Variants in HEPH observed in about 807,000 individuals in gnomAD.
The protein encoded by HEPH is hephaestin.
In HEPH, 69 loss-of-function variants were observed where a neutral mutation model predicts 80.8. The ratio of observed to expected loss-of-function variants is 0.85; its 90% CI spans 0.70 to 1.04. HEPH has a LOEUF of 1.04. Among genes scored for constraint, HEPH ranks in the 50% least tolerant of loss-of-function variants. The pLI, the probability that HEPH is intolerant of heterozygous loss-of-function variation, is 0.00. For missense variants in HEPH, 1,115 were observed against 891.3 expected, an observed-to-expected ratio of 1.25 and a Z score of -3.20; for synonymous variants, 431 against 322.8, an observed-to-expected ratio of 1.34 and a Z score of -3.60.
Position 66,193,545 on chromosome X carries a change from G to A in HEPH, c.1276G>A (p.Gly426Ser). 2 of 1,184,388 alleles carry A rather than the reference G, an allele frequency of 1.7e-6. No homozygotes were observed. Among genetic ancestry groups the A allele is most frequent in the Non-Finnish European group, 2.3e-6 (2 of 875,884 alleles). ...FFQKSSSRIG[G>S]TYWKVRYEAF... ...CCAGAAGAGCTCCAGCCGAATTGGGGGCACTTACTGGAAAGTGCGATATGA... is the reference window on the plus strand; with the variant it reads ...CCAGAAGAGCTCCAGCCGAATTGGGAGCACTTACTGGAAAGTGCGATATGA... Residue 426 changes from glycine to serine, a missense_variant, in exon 8 of 21, where the codon GGC becomes AGC. Around this residue, in one of 3 missense-constraint regions of HEPH, gnomAD observed 391 missense variants for 343.6 expected, o/e 1.14. Coordinates refer to ENST00000343002, the MANE Select transcript of HEPH (RefSeq NM_001367233.3).
At chrX:66,234,698 A>G (rs917704925) in intron 15 of HEPH, among the ~76,000 whole-genome samples, 1 of 109,708 alleles carries the variant, frequency 9.1e-6, no homozygotes, top group Non-Finnish European at 1.9e-5. Context: ...CTGCAGTTGC[A>G]TAATCTCAGC....
chrX:66,208,631 C>T (rs865937283), intron 15 of HEPH, among the ~76,000 whole-genome samples: 1 of 35,100 alleles, frequency 2.8e-5, no homozygotes, highest in Non-Finnish European at 6.1e-5. Flanking sequence ...TATATACATA[C>T]ATATATATAT....
chrX:66,256,928 T>G (rs1293171563), intron 17 of HEPH, among the ~76,000 whole-genome samples: 2 of 112,019 alleles, frequency 1.8e-5, no homozygotes, highest in Non-Finnish European at 3.8e-5. Context: ...ATCAAAGCCT[T>G]CCTTTGTTTG....
chrX:66,251,509 T>A (rs948736803), intron 15 of HEPH, among the ~76,000 whole-genome samples: 5 of 112,185 alleles, frequency 4.5e-5, no homozygotes, highest in African/African-American at 1.6e-4. Flanking sequence ...TGTTGTGAAA[T>A]GTCCGTTCAA....
chrX:66,245,296 A>C (rs1182632820), intron 15 of HEPH, among the ~76,000 whole-genome samples: 3 of 111,441 alleles, frequency 2.7e-5, no homozygotes, highest in South Asian at 3.8e-4. Flanking sequence ...TCTACCAAGC[A>C]AATGGAAAAC....
chrX:66,223,784 TAATCTTTTTACC>T (rs1281239119), intron 15 of HEPH, among the ~76,000 whole-genome samples: 1 of 112,132 alleles, frequency 8.9e-6, no homozygotes, highest in Non-Finnish European at 1.9e-5. Flanking sequence ...TGCCTCCTTC[TAATCTTTTTACC>T]AAAGGCATAT....
intron 4 of HEPH, among the ~76,000 whole-genome samples, chrX:66,174,509 C>A (rs752731640): frequency 4.8e-4 from 54 of 111,646 alleles, no homozygotes; most frequent in African/African-American, 1.5e-3. Context: ...GACTTCTTTT[C>A]CTCTGGGTAG....
chrX:66,236,960 G>A lies in HEPH; in HGVS notation c.2564-18075G>A, dbSNP rs2090386315. ...TATCTGTATTTCTGTAGGGTCAATG[G>A]TAATATCCCCTTTGTCATTTCTAAT... On this transcript the variant is annotated intron_variant, in intron 15 of 20. Coordinates refer to ENST00000343002, the MANE Select transcript of HEPH (RefSeq NM_001367233.3). Among the ~76,000 whole-genome samples, 3 of 111,302 alleles carry A rather than the reference G, an allele frequency of 2.7e-5. No homozygotes were observed. The South Asian group carries it at 1.1e-3, about 42-fold the overall frequency.
chrX:66,258,791 GT>G, intron 17 of HEPH, 48 bp from the exon 18 acceptor site: 1 of 1,050,768 alleles, frequency 9.5e-7, no homozygotes, highest in Non-Finnish European at 1.3e-6. Context: ...AAGGAGAGAT[GT>G]AAGAAGCTTT....
intron 2 of HEPH, among the ~76,000 whole-genome samples, chrX:66,171,789 G>A (rs1232614642): frequency 3.1e-5 from 3 of 96,801 alleles, no homozygotes; most frequent in African/African-American, 4.4e-5. Context: ...TAAGCTCTTC[G>A]TGTATTTGAA....
intron 1 of HEPH, among the ~76,000 whole-genome samples, chrX:66,168,477 C>T (rs1017976478): frequency 1.8e-5 from 2 of 111,570 alleles, no homozygotes; most frequent in Non-Finnish European, 3.8e-5. Context: ...CCCAAGGCTA[C>T]ACAGCTGGTC....
chrX:66,205,150 TG>T (rs952264912), intron 13 of HEPH, among the ~76,000 whole-genome samples: 6 of 111,538 alleles, frequency 5.4e-5, no homozygotes, highest in African/African-American at 1.3e-4. Context: ...ATTTTAGGTA[TG>T]GGGGTACATG....
chrX:66,223,713 G>T (rs964647775), intron 15 of HEPH, among the ~76,000 whole-genome samples: 2 of 111,007 alleles, frequency 1.8e-5, no homozygotes, highest in Non-Finnish European at 3.8e-5. Flanking sequence ...TTTAAAACTT[G>T]CCAAAACCTT....
rs148860809 is a variant in HEPH, at chrX:66,256,565, G to A, written c.2896+235G>A. Among the ~76,000 whole-genome samples the A allele has an allele frequency of 8.5e-3, 955 of 111,944 alleles. 12 individuals are homozygous for A. Among genetic ancestry groups the A allele is most frequent in the African/African-American group, 0.03 (913 of 30,827 alleles). On this transcript the variant is annotated intron_variant, in intron 17 of 20. Transcript: ENST00000343002. ...GCCCAGAAAGCAGGAAGTTGACTCT[G>A]TAAATTGCCATGGCGATACCAGAAA...
chrX:66,197,678 T>C lies in HEPH; in HGVS notation c.1502-5T>C, dbSNP rs182869102. 4.5e-3 allele frequency: 5,461 copies of C among 1,201,562 alleles called. 243 individuals are homozygous for C. In the Admixed American group the frequency reaches 0.11, roughly 23 times the overall value. ...TAAGTAATGAGTCCCATATTTTCACTACAGGCTCATCTTACCCTGGCTTGG... is the reference window on the plus strand; with the variant it reads ...TAAGTAATGAGTCCCATATTTTCACCACAGGCTCATCTTACCCTGGCTTGG... On this transcript the variant is annotated splice_polypyrimidine_tract_variant and splice_region_variant and intron_variant, in intron 9 of 20. Coordinates refer to ENST00000343002, the MANE Select transcript of HEPH (RefSeq NM_001367233.3).
intron 10 of HEPH, among the ~76,000 whole-genome samples, chrX:66,198,250 G>A (rs1406853853): frequency 1.0e-5 from 1 of 100,455 alleles, no homozygotes; most frequent in Admixed American, 1.1e-4. Flanking sequence ...CCATAAATCT[G>A]CTTTAATATT....
At chrX:66,225,658 C>T (rs973228240) in intron 15 of HEPH, among the ~76,000 whole-genome samples, 10 of 112,476 alleles carry the variant, frequency 8.9e-5, no homozygotes, top group East Asian at 2.8e-4. Flanking sequence ...GCCTGCCATG[C>T]GCTGCTCTGG....
At chrX:66,230,530 T>G (rs2090082721) in intron 15 of HEPH, among the ~76,000 whole-genome samples, 1 of 107,817 alleles carries the variant, frequency 9.3e-6, no homozygotes, top group South Asian at 4.1e-4. Context: ...TGGCCAGTGA[T>G]GATGAACATT....
At chrX:66,228,393 A>C (rs2089979935) in intron 15 of HEPH, among the ~76,000 whole-genome samples, 1 of 112,928 alleles carries the variant, frequency 8.9e-6, no homozygotes, top group Non-Finnish European at 1.9e-5. Flanking sequence ...AAGATGGATC[A>C]AAGTCTTAAA....
Sources: allele counts gnomAD v4.1 joint callset (sites outside exome capture counted in the v4.1 genomes callset), GRCh38; gene constraint gnomAD v4.1.1; regional missense constraint gnomAD v4.1.1; transcripts MANE v1.5; gene names NCBI Gene and HGNC (gene_info 2026-07-23, HGNC 2026-07-21).